L3MBTL4: variants seen among roughly 807,000 people sequenced by gnomAD.
L3MBTL4 encodes the protein lethal(3)malignant brain tumor-like protein 4.
A neutral mutation model predicts 84.5 loss-of-function variants in L3MBTL4; 70 were observed. The observed-to-expected ratio is 0.83, with a 90% CI of 0.68 to 1.01. The LOEUF (loss-of-function observed/expected upper bound fraction) is 1.01. Among genes scored for constraint, L3MBTL4 ranks in the 50% least tolerant of loss-of-function variants. The pLI is 0.00. For synonymous variants in L3MBTL4, 274 were observed against 259.8 expected (o/e 1.05, Z -0.52); for missense variants, 715 against 754.8 (o/e 0.95, Z 0.62).
At chr18:6,277,617 T>A (rs577853195) in intron 4 of L3MBTL4, among the ~76,000 whole-genome samples, 1 of 152,198 alleles carries the variant, frequency 6.6e-6, no homozygotes, top group African/African-American at 2.4e-5. Flanking sequence ...AGAGCTGTCA[T>A]GTTTGTGGTA....
In L3MBTL4 at chr18:6,022,436, A is replaced by G. The variant is rs561087148; in HGVS notation, c.1445-52874T>C. Among the ~76,000 whole-genome samples, 9 of 152,224 alleles carry G rather than the reference A, an allele frequency of 5.9e-5. No individual in the cohort carries two copies. In the East Asian group the frequency reaches 1.7e-3, roughly 29 times the overall value. On this transcript the variant is annotated intron_variant, in intron 16 of 18. Coordinates refer to ENST00000317931, the MANE Select transcript of L3MBTL4 (RefSeq NM_001330559.2). Reference sequence around the variant, plus strand: ...CAGCCTCCACAATGCTTTTAAAGTCATTTTTTCAACAACACAAATCTGATC... The same window carrying G: ...CAGCCTCCACAATGCTTTTAAAGTCGTTTTTTCAACAACACAAATCTGATC...
intron 16 of L3MBTL4, among the ~76,000 whole-genome samples, chr18:6,069,749 T>C (rs2057519798): frequency 6.6e-6 from 1 of 152,150 alleles, no homozygotes; most frequent in Admixed American, 6.5e-5. Flanking sequence ...GAGGCTGATA[T>C]CACTCACTCA....
At chr18:6,241,573 T>C in intron 7 of L3MBTL4, 124 bp from the exon 8 acceptor site, 1 of 572,554 alleles carries the variant, frequency 1.7e-6, no homozygotes, top group Non-Finnish European at 3.1e-6. Flanking sequence ...AAAAACGCAA[T>C]TACTTTTGCA....
At chr18:5,966,246 T>C (rs984257161) in intron 17 of L3MBTL4, among the ~76,000 whole-genome samples, 1 of 152,160 alleles carries the variant, frequency 6.6e-6, no homozygotes, top group African/African-American at 2.4e-5. Flanking sequence ...TCCCTAACAG[T>C]GGTGTCTATT....
At chr18:6,088,927 T>A (rs1390989699) in intron 15 of L3MBTL4, among the ~76,000 whole-genome samples, 1 of 152,146 alleles carries the variant, frequency 6.6e-6, no homozygotes, top group Non-Finnish European at 1.5e-5. Flanking sequence ...ATTTATAATA[T>A]GGCAGGCATC....
intron 16 of L3MBTL4, among the ~76,000 whole-genome samples, chr18:6,012,668 A>T (rs1392102343): frequency 8.5e-5 from 2 of 23,558 alleles, no homozygotes; most frequent in Admixed American, 6.4e-4. Flanking sequence ...CTACAAAATT[A>T]AAAAAAAAAA....
intron 1 of L3MBTL4, among the ~76,000 whole-genome samples, chr18:6,408,556 A>T (rs2144726990): frequency 6.6e-6 from 1 of 152,278 alleles, no homozygotes; most frequent in African/African-American, 2.4e-5. Flanking sequence ...CCTCCTTTAG[A>T]ACATATAAGA....
At chr18:6,258,998 G>T (rs779871008) in intron 5 of L3MBTL4, among the ~76,000 whole-genome samples, 5 of 152,070 alleles carry the variant, frequency 3.3e-5, no homozygotes, top group Non-Finnish European at 7.3e-5. Context: ...TTGGGAGCTG[G>T]AGTAGGCTAG....
At chr18:6,032,387 C>CACAG in intron 16 of L3MBTL4, 2 of 330,110 alleles carry the variant, frequency 6.1e-6, no homozygotes, top group Non-Finnish European at 8.1e-6. Flanking sequence ...AAATATGTTA[C>CACAG]ACACACACAC....
In L3MBTL4 at chr18:6,215,779, T is replaced by C. The variant is rs747507816; in HGVS notation, c.841A>G (p.Asn281Asp). 3 of 1,607,414 alleles carry C rather than the reference T, an allele frequency of 1.9e-6. No individual in the cohort carries two copies. Among genetic ancestry groups the C allele is most frequent in the Non-Finnish European group, 2.5e-6 (3 of 1,177,208 alleles). Residue 281 changes from asparagine (N) to aspartate (D), a missense_variant, in exon 11 of 19, where the codon AAT becomes GAT. Asn to Asp is a conservative substitution (Grantham distance 23). Coordinates refer to ENST00000317931, the MANE Select transcript of L3MBTL4 (RefSeq NM_001330559.2). Reference sequence around the variant, plus strand: ...TTAAAAACTTTGGCAGGAACTGCATTGGTTTGAGTAGCTTCCAGGTATTCT... The same window carrying C: ...TTAAAAACTTTGGCAGGAACTGCATCGGTTTGAGTAGCTTCCAGGTATTCT... Reference protein sequence around the residue: ...WTEYLEATQTNAVPAKVFKMR... With the variant: ...WTEYLEATQTDAVPAKVFKMR...
intron 13 of L3MBTL4, among the ~76,000 whole-genome samples, chr18:6,147,806 T>C (rs1366569240): frequency 6.6e-6 from 1 of 152,232 alleles, no homozygotes; most frequent in Admixed American, 6.5e-5. Flanking sequence ...CCTTTGCTTA[T>C]TATTTTGAAA....
At chr18:6,236,919 G>A (rs1034651990) in intron 10 of L3MBTL4, among the ~76,000 whole-genome samples, 2 of 152,146 alleles carry the variant, frequency 1.3e-5, no homozygotes, top group Admixed American at 1.3e-4. Context: ...TGAATCATTT[G>A]AATCAAAACA....
intron 12 of L3MBTL4, among the ~76,000 whole-genome samples, chr18:6,175,474 A>G (rs180814464): frequency 6.6e-6 from 1 of 152,300 alleles, no homozygotes; most frequent in Admixed American, 6.5e-5. Context: ...CCAGATGAAA[A>G]CTACGATCTA....
chr18:6,214,462 C>A (rs1483687636), intron 11 of L3MBTL4, among the ~76,000 whole-genome samples: 1 of 152,172 alleles, frequency 6.6e-6, no homozygotes, highest in Non-Finnish European at 1.5e-5. Context: ...AGCTATTACA[C>A]ATAAAAGTGT....
rs558327892 is a variant in L3MBTL4 at position 6,021,217 on chromosome 18, A to G, written c.1445-51655T>C. The stretch of plus-strand genomic sequence containing the variant: ...TTGACAGCAGGGCCAGGCTGTGAGG[A>G]TAGAGGAGCTAGCCTGCTGTAGGCT... On this transcript the variant is annotated intron_variant, in intron 16 of 18. Transcript: ENST00000317931. Among the ~76,000 whole-genome samples the G allele has an allele frequency of 1.5e-4, 23 of 152,326 alleles. No individual in the cohort carries two copies. The South Asian group carries it at 3.5e-3, about 23-fold the overall frequency.
chr18:6,003,084 TAAAATATAGTATCTCTA>T (rs2054295889), intron 16 of L3MBTL4, among the ~76,000 whole-genome samples: 4 of 98,484 alleles, frequency 4.1e-5, no homozygotes, highest in African/African-American at 1.3e-4. Flanking sequence ...AGATACTATA[TAAAATATAGTATCTCTA>T]TTTATAGAGA....
chr18:6,118,511 G>A (rs1343515540), intron 14 of L3MBTL4, among the ~76,000 whole-genome samples: 8 of 152,164 alleles, frequency 5.3e-5, no homozygotes, highest in African/African-American at 1.9e-4. Context: ...CTAGCACAGT[G>A]CTGGATGCTT....
chr18:6,012,123 C>A (rs1397958310), intron 16 of L3MBTL4, among the ~76,000 whole-genome samples: 1 of 152,124 alleles, frequency 6.6e-6, no homozygotes, highest in East Asian at 1.9e-4. Context: ...AGCTCAGGTA[C>A]CTGTGCTGTA....
chr18:6,193,569 G>A (rs563922915), intron 12 of L3MBTL4, among the ~76,000 whole-genome samples: 16 of 152,372 alleles, frequency 1.1e-4, no homozygotes, highest in South Asian at 4.1e-4. Context: ...AAGGCAAAGC[G>A]TGGAGAGCCG....
Sources: gnomAD v4.1 joint callset for allele counts (sites outside exome capture counted in the v4.1 genomes callset) on GRCh38, gnomAD v4.1.1 for gene constraint, MANE v1.5 for transcripts, NCBI Gene and HGNC (gene_info 2026-07-23, HGNC 2026-07-21) for gene names.